RNF121: variants seen among roughly 807,000 people sequenced by gnomAD.
The protein encoded by RNF121 is E3 ubiquitin ligase RNF121.
Under a neutral mutation model 46.5 loss-of-function variants are expected in RNF121, and 21 were observed. The ratio of observed to expected loss-of-function variants is 0.45; its 90% CI spans 0.32 to 0.65. RNF121 has a LOEUF of 0.65. RNF121 is among the 30% of genes least tolerant of loss of function. The pLI, the probability that RNF121 is intolerant of heterozygous loss-of-function variation, is 0.04. For missense variants in RNF121, 346 were observed against 416.0 expected (o/e 0.83, Z 1.46); for synonymous variants, 139 against 144.7 (o/e 0.96, Z 0.28).
In RNF121 at chr11:71,953,471, G is replaced by T. The variant is rs528472563; in HGVS notation, c.64-3756G>T. Among the ~76,000 whole-genome samples the T allele has an allele frequency of 2.0e-5, 3 of 152,318 alleles. No homozygotes were observed. In the East Asian group the frequency reaches 5.8e-4, roughly 29 times the overall value. ...TGATTGTGAGTGCTGGGATGTAGTA[G>T]CAGTGCTTCTCAAACTTTAATGTAC... On this transcript the variant is annotated intron_variant, in intron 1 of 8. Coordinates refer to ENST00000361756, the MANE Select transcript of RNF121 (RefSeq NM_018320.5).
intron 7 of RNF121, among the ~76,000 whole-genome samples, chr11:71,995,083 G>A (rs1954947861): frequency 1.3e-5 from 2 of 152,232 alleles, no homozygotes; most frequent in South Asian, 4.1e-4. Flanking sequence ...CAGCTAGTGA[G>A]GCTGTGCTAG....
At chr11:71,982,562 T>C (rs567182386) in intron 3 of RNF121, among the ~76,000 whole-genome samples, 199 bp from the exon 4 acceptor site, 1 of 152,078 alleles carries the variant, frequency 6.6e-6, no homozygotes, top group African/African-American at 2.4e-5. Context: ...CAAGAGATAG[T>C]TGAGTGAGGG....
At chr11:71,980,081 G>A (rs765600229) in intron 3 of RNF121, among the ~76,000 whole-genome samples, 17 of 152,088 alleles carry the variant, frequency 1.1e-4, no homozygotes, top group Non-Finnish European at 1.6e-4. Context: ...TGACACCTGG[G>A]GCATTATTTG....
chr11:71,950,317 G>C (rs916094561), intron 1 of RNF121, among the ~76,000 whole-genome samples: 1 of 152,110 alleles, frequency 6.6e-6, no homozygotes, highest in African/African-American at 2.4e-5. Context: ...AGGCACGGTG[G>C]CTCACGCCTG....
chr11:71,985,203 A>G (rs1313346944), intron 4 of RNF121, among the ~76,000 whole-genome samples: 1 of 152,198 alleles, frequency 6.6e-6, no homozygotes, highest in African/African-American at 2.4e-5. Context: ...TTGGGATTCC[A>G]GGTGTGAGCC....
chr11:71,973,801 AC>A (rs1335462116), intron 3 of RNF121, among the ~76,000 whole-genome samples: 5 of 152,170 alleles, frequency 3.3e-5, no homozygotes, highest in African/African-American at 7.2e-5. Context: ...AAACAAAAAA[AC>A]AAACCAAAAA....
At chr11:71,962,818 C>T (rs527776433) in intron 3 of RNF121, among the ~76,000 whole-genome samples, 12 of 152,186 alleles carry the variant, frequency 7.9e-5, no homozygotes, top group Non-Finnish European at 1.3e-4. Flanking sequence ...TCTGTCCTAA[C>T]GTGGGTTGGG....
chr11:71,995,552 G>A lies in RNF121; in HGVS notation c.863+1G>A, dbSNP rs868448862. ...ACCTCAAGAGGATGTTCAGCAATCC[G>A]TATCCTTTATTGGGGTCGTTGTTGG... On this transcript the variant is annotated splice_donor_variant, in intron 8 of 8. Coordinates refer to ENST00000361756, the MANE Select transcript of RNF121 (RefSeq NM_018320.5). LOFTEE classifies it high-confidence loss of function. The A allele has an allele frequency of 5.7e-6, 9 of 1,576,950 alleles. No individual in the cohort carries two copies. The highest frequency in any genetic ancestry group is 2.3e-5 in the East Asian group (1 of 43,518).
chr11:71,991,662 G>GCAGAGGAAAGAGCATTCAT (rs1183709689), intron 6 of RNF121, among the ~76,000 whole-genome samples: 1 of 152,102 alleles, frequency 6.6e-6, no homozygotes, highest in Non-Finnish European at 1.5e-5. Flanking sequence ...TGAGAACCAG[G>GCAGAGGAAAGAGCATTCAT]CAGAGGAAAG....
chr11:71,968,832 T>G lies in RNF121; in HGVS notation c.243+7941T>G, dbSNP rs145178745. 5.3e-5 allele frequency among the ~76,000 whole-genome samples: 8 copies of G among 152,036 alleles called. No individual in the cohort carries two copies. The South Asian group carries it at 1.5e-3, about 28-fold the overall frequency. Reference sequence around the variant, plus strand: ...GATCTGGGAGTTTAATTCCTAGATATATGCCAAGAGAAGATTTTGGTACAT... The same window carrying G: ...GATCTGGGAGTTTAATTCCTAGATAGATGCCAAGAGAAGATTTTGGTACAT... On this transcript the variant is annotated intron_variant, in intron 3 of 8. Transcript: ENST00000361756.
At chr11:71,933,229 A>G (rs1008712956) in intron 1 of RNF121, among the ~76,000 whole-genome samples, 4 of 152,220 alleles carry the variant, frequency 2.6e-5, no homozygotes, top group African/African-American at 9.6e-5. Flanking sequence ...CAATAGGGCC[A>G]GCCAGGGCAT....
chr11:71,962,190 G>A (rs544538451), intron 3 of RNF121: 61 of 206,024 alleles, frequency 3.0e-4, no homozygotes, highest in South Asian at 5.1e-4. Context: ...GGATGGTCTC[G>A]ATCTCCTGAC....
intron 4 of RNF121, chr11:71,983,871 CTCT>C (rs1444970767): frequency 1.3e-5 from 2 of 152,472 alleles, no homozygotes; most frequent in African/African-American, 2.4e-5. Context: ...TTGTAGATTG[CTCT>C]TCTTCCTATT....
At chr11:71,951,638 T>TAA (rs780940688) in intron 1 of RNF121, among the ~76,000 whole-genome samples, 19 of 116,008 alleles carry the variant, frequency 1.6e-4, no homozygotes, top group East Asian at 4.8e-4. Context: ...CCCTGTCTCT[T>TAA]AAAAAAAAAA....
chr11:71,975,675 A>G (rs1954512751), intron 3 of RNF121, among the ~76,000 whole-genome samples: 1 of 152,220 alleles, frequency 6.6e-6, no homozygotes, highest in East Asian at 1.9e-4. Flanking sequence ...CATGGCATCC[A>G]GTAAGTGCTC....
At chr11:71,930,568 T>G (rs1953255167) in intron 1 of RNF121, among the ~76,000 whole-genome samples, 1 of 152,136 alleles carries the variant, frequency 6.6e-6, no homozygotes, top group South Asian at 2.1e-4. Flanking sequence ...TGGATACCAG[T>G]TGGTTGGTTA....
At chr11:71,938,816 T>G (rs534947607) in intron 1 of RNF121, 1 of 152,962 alleles carries the variant, frequency 6.5e-6, no homozygotes, top group Non-Finnish European at 1.5e-5. Flanking sequence ...GTTAATTTGG[T>G]TTTGAGCTCT....
intron 1 of RNF121, among the ~76,000 whole-genome samples, chr11:71,931,365 A>G (rs1264278311): frequency 3.9e-5 from 6 of 152,194 alleles, no homozygotes; most frequent in Admixed American, 2.6e-4. Flanking sequence ...GACTGGTTCT[A>G]TCTTTTTTGT....
At chr11:71,967,472 C>T (rs1954311899) in intron 3 of RNF121, among the ~76,000 whole-genome samples, 1 of 150,902 alleles carries the variant, frequency 6.6e-6, no homozygotes, top group Non-Finnish European at 1.5e-5. Context: ...GCCTCAGCCT[C>T]CCAAGTAGCT....
Sources: gnomAD v4.1 joint callset for allele counts (sites outside exome capture counted in the v4.1 genomes callset) on GRCh38, gnomAD v4.1.1 for gene constraint, MANE v1.5 for transcripts, NCBI Gene and HGNC (gene_info 2026-07-23, HGNC 2026-07-21) for gene names.